Variants in CEMIP observed in about 807,000 individuals in gnomAD.
CEMIP encodes cell migration inducing hyaluronidase 1, also known as cell migration-inducing and hyaluronan-binding protein.
Under a neutral mutation model 156.9 loss-of-function variants are expected in CEMIP, and 105 were observed. The ratio of observed to expected loss-of-function variants is 0.67; its 90% confidence interval spans 0.57 to 0.79. The LOEUF is 0.79. Among genes scored for constraint, CEMIP ranks in the 30% least tolerant of loss-of-function variants. The pLI is 0.00. For synonymous variants in CEMIP, 676 were observed against 668.4 expected (o/e 1.01, Z -0.17); for missense variants, 1,457 against 1,769.4 (o/e 0.82, Z 3.17).
chr15:80,905,168 A>G (rs1899744814), intron 12 of CEMIP, among the ~76,000 whole-genome samples: 1 of 152,170 alleles, frequency 6.6e-6, no homozygotes, highest in Admixed American at 6.5e-5. Context: ...TCACATGTGA[A>G]CACTGGCAGT....
At chr15:80,836,960 T>C (rs1352777301) in intron 1 of CEMIP, among the ~76,000 whole-genome samples, 4 of 152,202 alleles carry the variant, frequency 2.6e-5, no homozygotes, top group Admixed American at 1.3e-4. Flanking sequence ...TTGGAAACGT[T>C]ATTTCTAATT....
intron 1 of CEMIP, among the ~76,000 whole-genome samples, chr15:80,787,565 C>T (rs1052065156): frequency 1.3e-5 from 2 of 152,260 alleles, no homozygotes; most frequent in Non-Finnish European, 2.9e-5. Context: ...ACCATAGCAA[C>T]TGGAACATAC....
At chr15:80,943,196 T>C (rs1901411508) in intron 28 of CEMIP, 94 bp downstream of exon 28, 1 of 1,384,530 alleles carries the variant, frequency 7.2e-7, no homozygotes, top group African/African-American at 1.4e-5. Context: ...TCATCACAGA[T>C]CAGTCTGGAA....
At chr15:80,915,858 CAAAT>C (rs888020816) in intron 14 of CEMIP, among the ~76,000 whole-genome samples, 2 of 151,886 alleles carry the variant, frequency 1.3e-5, no homozygotes, top group African/African-American at 2.4e-5. Flanking sequence ...CTCTGTAAAA[CAAAT>C]AACCCACCAC....
intron 1 of CEMIP, among the ~76,000 whole-genome samples, chr15:80,798,229 G>A (rs1896282060): frequency 6.6e-6 from 1 of 152,076 alleles, no homozygotes; most frequent in South Asian, 2.1e-4. Flanking sequence ...TGTTATTACT[G>A]TATATTTTTT....
chr15:80,921,234 T>C (rs2141922788), intron 16 of CEMIP, 133 bp downstream of exon 16: 1 of 860,536 alleles, frequency 1.2e-6, no homozygotes, highest in Non-Finnish European at 1.9e-6. Context: ...GGCTTAGCTG[T>C]GGTGAAGAGG....
At chr15:80,893,546 T>A (rs892684576) in intron 10 of CEMIP, among the ~76,000 whole-genome samples, 3 of 152,198 alleles carry the variant, frequency 2.0e-5, no homozygotes, top group South Asian at 4.1e-4. Flanking sequence ...CATGCTACCC[T>A]CAGGGGAAAA....
Position 80,906,497 on chromosome 15 carries a change from G to A in CEMIP, c.1412-166G>A, listed in dbSNP as rs770566245. Among the ~76,000 whole-genome samples, 9 of 152,190 alleles carry A rather than the reference G, an allele frequency of 5.9e-5. No individual in the cohort carries two copies. The South Asian group carries it at 6.2e-4, about 11-fold the overall frequency. ...GTGAGATCTGGGTCTGCATGCAGGC[G>A]TGTGACTTCACCTCCCTGACCTTCA... is the stretch of plus-strand genomic sequence containing the variant. On this transcript the variant is annotated intron_variant, in intron 12 of 29. Transcript: ENST00000394685. This position sits in a 1 kb window ranked among gnomAD's most constrained non-coding sequence, Gnocchi z 4.3.
intron 25 of CEMIP, among the ~76,000 whole-genome samples, chr15:80,939,581 A>G (rs569267801): frequency 4.6e-5 from 7 of 152,224 alleles, no homozygotes; most frequent in Non-Finnish European, 8.8e-5. Flanking sequence ...CCACTAAGTA[A>G]GTTGAACCTC....
At chr15:80,846,619 C>T (rs1177933598) in intron 1 of CEMIP, among the ~76,000 whole-genome samples, 2 of 152,138 alleles carry the variant, frequency 1.3e-5, no homozygotes, top group African/African-American at 4.8e-5. Flanking sequence ...GTAACAGCAG[C>T]TTAGAGACAG....
intron 1 of CEMIP, among the ~76,000 whole-genome samples, chr15:80,800,719 C>G (rs1022562986): frequency 1.3e-5 from 2 of 152,200 alleles, no homozygotes; most frequent in African/African-American, 4.8e-5. Context: ...AAGAAATTCA[C>G]ATTCTAATAG....
chr15:80,816,038 G>C (rs1596108553), intron 1 of CEMIP, among the ~76,000 whole-genome samples: 1 of 152,176 alleles, frequency 6.6e-6, no homozygotes, highest in Non-Finnish European at 1.5e-5. Context: ...AATGAGTTAG[G>C]AGAGACTGTG....
chr15:80,933,119 C>A, intron 22 of CEMIP, 126 bp from the exon 23 acceptor site: 1 of 829,574 alleles, frequency 1.2e-6, no homozygotes, highest in South Asian at 1.5e-5. Flanking sequence ...TCTCAGTGCC[C>A]GAGAGCATCT....
chr15:80,900,194 T>C (rs1450338912), intron 12 of CEMIP, among the ~76,000 whole-genome samples: 1 of 152,204 alleles, frequency 6.6e-6, no homozygotes, highest in African/African-American at 2.4e-5. Context: ...GAGAACCTTG[T>C]GTGCGTCAGA....
At chr15:80,922,399 C>T (rs1036571491) in intron 17 of CEMIP, among the ~76,000 whole-genome samples, 2 of 152,256 alleles carry the variant, frequency 1.3e-5, no homozygotes, top group African/African-American at 4.8e-5. Context: ...TGTGCCTTCA[C>T]TCATGCTGAC....
intron 1 of CEMIP, among the ~76,000 whole-genome samples, chr15:80,869,502 A>T (rs1176200077): frequency 6.6e-6 from 1 of 152,186 alleles, no homozygotes; most frequent in Non-Finnish European, 1.5e-5. Context: ...GGCTCAAATA[A>T]AATATTTCCC....
At position 80,931,795 on chromosome 15, in the gene CEMIP, A is replaced by G. The variant is rs1900921572; in HGVS notation, c.2613-64A>G. ...AACATGGCGTTTAGACTGACGTCTT[A>G]CTTCCTTAACTCCATAGGAATGGAA... is the stretch of plus-strand genomic sequence containing the variant. On this transcript the variant is annotated intron_variant, in intron 21 of 29. Transcript: ENST00000394685. The G allele has an allele frequency of 8.5e-6, 13 of 1,530,804 alleles. No homozygotes were observed. The Middle Eastern group carries it at 1.3e-3, about 158-fold the overall frequency. 94.8% of individuals were successfully genotyped at this position (1,530,804 alleles called of 1,614,324 possible).
At chr15:80,819,625 C>A (rs772978858) in intron 1 of CEMIP, among the ~76,000 whole-genome samples, 4 of 152,158 alleles carry the variant, frequency 2.6e-5, no homozygotes, top group Non-Finnish European at 5.9e-5. Flanking sequence ...CATTCATAAA[C>A]AGAAATTGGG....
intron 1 of CEMIP, among the ~76,000 whole-genome samples, chr15:80,849,087 G>A (rs1013966140): frequency 7.0e-6 from 1 of 142,642 alleles, no homozygotes; most frequent in Non-Finnish European, 1.5e-5. Flanking sequence ...TGCTTCCCAG[G>A]TTAAAGTGAT....
Sources: allele counts gnomAD v4.1 joint callset (sites outside exome capture counted in the v4.1 genomes callset), GRCh38; gene constraint gnomAD v4.1.1; non-coding constraint Gnocchi (gnomAD v3.1); transcripts MANE v1.5; gene names NCBI Gene and HGNC (gene_info 2026-07-23, HGNC 2026-07-21).